CNTLN: variants seen among roughly 807,000 people sequenced by gnomAD.
The protein encoded by CNTLN is centlein, also known as centlein, centrosomal protein.
CNTLN carries 212 observed loss-of-function variants against 180.0 expected under a neutral mutation model. The ratio of observed to expected loss-of-function variants is 1.18; its 90% CI spans 1.05 to 1.32. The LOEUF is 1.32. CNTLN is among the 40% of genes most tolerant of loss of function. The pLI, the probability that CNTLN is intolerant of heterozygous loss-of-function variation, is 0.00. For missense variants in CNTLN, 2,095 were observed against 1,610.9 expected (o/e 1.30, Z -5.14); for synonymous variants, 722 against 563.1 (o/e 1.28, Z -3.99).
At chr9:17,221,838 A>G (rs1298591257) in intron 2 of CNTLN, among the ~76,000 whole-genome samples, 1 of 152,036 alleles carries the variant, frequency 6.6e-6, no homozygotes, top group South Asian at 2.1e-4. Flanking sequence ...TTCATATACC[A>G]TTGAGAAAGT....
chr9:17,235,323 G>A (rs1302829854), intron 3 of CNTLN, among the ~76,000 whole-genome samples: 1 of 152,148 alleles, frequency 6.6e-6, no homozygotes, highest in Non-Finnish European at 1.5e-5. Flanking sequence ...AAGGAATTAT[G>A]TTAGCTATAA....
intron 2 of CNTLN, among the ~76,000 whole-genome samples, chr9:17,154,939 GT>G: frequency 6.6e-6 from 1 of 152,240 alleles, no homozygotes; most frequent in Admixed American, 6.5e-5. Context: ...CACTCTTTGG[GT>G]CCGCACTACC....
chr9:17,256,164 G>A (rs1355689651), intron 5 of CNTLN, among the ~76,000 whole-genome samples: 8 of 151,888 alleles, frequency 5.3e-5, no homozygotes, highest in Non-Finnish European at 1.0e-4. Flanking sequence ...GCTATTGATG[G>A]TCACCTAGGT....
At chr9:17,244,161 T>C (rs549344558) in intron 5 of CNTLN, among the ~76,000 whole-genome samples, 2 of 152,072 alleles carry the variant, frequency 1.3e-5, no homozygotes, top group African/African-American at 4.8e-5. Context: ...TGGAATATTT[T>C]TTTCACCCTT....
At chr9:17,272,359 G>A (rs554567124) in intron 5 of CNTLN, among the ~76,000 whole-genome samples, 2 of 152,224 alleles carry the variant, frequency 1.3e-5, no homozygotes, top group African/African-American at 4.8e-5. Flanking sequence ...ACAGGCGTGA[G>A]TCACTGCGCC....
At chr9:17,190,386 T>C (rs1821720508) in intron 2 of CNTLN, among the ~76,000 whole-genome samples, 1 of 151,992 alleles carries the variant, frequency 6.6e-6, no homozygotes, top group Non-Finnish European at 1.5e-5. Context: ...GATAATTTAA[T>C]ACATATATTG....
At chr9:17,202,310 G>A (rs1227452884) in intron 2 of CNTLN, among the ~76,000 whole-genome samples, 1 of 152,166 alleles carries the variant, frequency 6.6e-6, no homozygotes, top group Admixed American at 6.6e-5. Flanking sequence ...TGTATATTCT[G>A]TTGATTTGGG....
chr9:17,340,401 C>G (rs1302884610), intron 10 of CNTLN, among the ~76,000 whole-genome samples: 1 of 152,004 alleles, frequency 6.6e-6, no homozygotes, highest in East Asian at 1.9e-4. Context: ...AATTCATGTG[C>G]TAAATAATTG....
intron 3 of CNTLN, among the ~76,000 whole-genome samples, chr9:17,228,563 T>C (rs1423366730): frequency 6.6e-6 from 1 of 152,094 alleles, no homozygotes; most frequent in Non-Finnish European, 1.5e-5. Flanking sequence ...ATCTCTTTGA[T>C]GATTAGGTGA....
At chr9:17,293,763 A>G (rs1817582266) in intron 6 of CNTLN, among the ~76,000 whole-genome samples, 1 of 152,102 alleles carries the variant, frequency 6.6e-6, no homozygotes, top group South Asian at 2.1e-4. Flanking sequence ...GGAAGTTGGT[A>G]GTCGTAGGTA....
intron 2 of CNTLN, among the ~76,000 whole-genome samples, chr9:17,214,704 G>A (rs1294428720): frequency 1.3e-5 from 2 of 152,188 alleles, no homozygotes; most frequent in African/African-American, 4.8e-5. Context: ...ATTAGATGTA[G>A]ATTTGGTCTT....
At chr9:17,414,794 A>G (rs1489582980) in intron 16 of CNTLN, among the ~76,000 whole-genome samples, 1 of 152,194 alleles carries the variant, frequency 6.6e-6, no homozygotes, top group Non-Finnish European at 1.5e-5. Flanking sequence ...CCCAGCCAAT[A>G]CATTCTTAAA....
intron 18 of CNTLN, among the ~76,000 whole-genome samples, chr9:17,430,734 C>G (rs1829368532): frequency 6.6e-6 from 1 of 152,094 alleles, no homozygotes; most frequent in African/African-American, 2.4e-5. Context: ...CTGGTAACCA[C>G]CATTCTACTC....
At chr9:17,501,285 A>C (rs897622371) in intron 25 of CNTLN, among the ~76,000 whole-genome samples, 3 of 152,176 alleles carry the variant, frequency 2.0e-5, no homozygotes, top group Non-Finnish European at 2.9e-5. Context: ...TACCTTAAGG[A>C]GAAGGCAGAT....
intron 2 of CNTLN, among the ~76,000 whole-genome samples, chr9:17,165,722 G>A (rs1820025793): frequency 1.3e-5 from 2 of 152,196 alleles, no homozygotes; most frequent in African/African-American, 4.8e-5. Flanking sequence ...TATGAAAACT[G>A]GGGGAATAAG....
At chr9:17,207,174 T>C (rs930800920) in intron 2 of CNTLN, among the ~76,000 whole-genome samples, 2 of 152,364 alleles carry the variant, frequency 1.3e-5, no homozygotes, top group Admixed American at 1.3e-4. Context: ...TTCTCCTGTT[T>C]CCATTGCAAT....
At chr9:17,185,730 A>G (rs1821389489) in intron 2 of CNTLN, among the ~76,000 whole-genome samples, 1 of 150,162 alleles carries the variant, frequency 6.7e-6, no homozygotes, top group South Asian at 2.1e-4. Flanking sequence ...CTCTGTTAGA[A>G]AGGCTTTTCT....
At chr9:17,141,700 A>C (rs1260826852) in intron 1 of CNTLN, among the ~76,000 whole-genome samples, 1 of 152,186 alleles carries the variant, frequency 6.6e-6, no homozygotes, top group Non-Finnish European at 1.5e-5. Context: ...TAGTGGTAGA[A>C]GTGGTGAGAG....
intron 18 of CNTLN, among the ~76,000 whole-genome samples, chr9:17,418,010 G>C (rs1329715545): frequency 6.6e-6 from 1 of 151,902 alleles, no homozygotes; most frequent in Non-Finnish European, 1.5e-5. Context: ...TCTCCCTGAA[G>C]TTACCCTCAA....
Sources: gnomAD v4.1 joint callset for allele counts (sites outside exome capture counted in the v4.1 genomes callset) on GRCh38, gnomAD v4.1.1 for gene constraint, MANE v1.5 for transcripts, NCBI Gene and HGNC (gene_info 2026-07-23, HGNC 2026-07-21) for gene names.